The following CHLSN variants were observed in gnomAD, a reference collection of about 807,000 sequenced individuals.
CHLSN encodes cholesin, also known as protein cholesin.
the CHLSN span, among the ~76,000 whole-genome samples, chr7:1,003,249 G>C: frequency 5.0e-4 from 15 of 29,856 alleles, 1 homozygote; most frequent in African/African-American, 4.2e-3. Context: ...GGGGAGTCCT[G>C]TGGGTGAGTG....
chr7:1,080,515 C>T, the CHLSN span, among the ~76,000 whole-genome samples: 1 of 152,168 alleles, frequency 6.6e-6, no homozygotes, highest in South Asian at 2.1e-4. Flanking sequence ...CGCACGGCCG[C>T]CAGGTTGGGT....
At chr7:1,079,807 G>A in the CHLSN span, among the ~76,000 whole-genome samples, 1 of 152,238 alleles carries the variant, frequency 6.6e-6, no homozygotes, top group Non-Finnish European at 1.5e-5. Flanking sequence ...CAGCTCTGGG[G>A]AAGCAGCCCT....
chr7:984,911 T>C, the CHLSN span: 39 of 1,534,042 alleles, frequency 2.5e-5, no homozygotes, highest in Non-Finnish European at 3.0e-5. Context: ...CTGGCTGGGG[T>C]GGGAACCTGG....
At chr7:1,049,140 C>T in the CHLSN span, among the ~76,000 whole-genome samples, 4 of 152,226 alleles carry the variant, frequency 2.6e-5, no homozygotes, top group South Asian at 2.1e-4. Flanking sequence ...TCCTCCTCCA[C>T]GTTGGCCAGC....
At chr7:985,333 T>C in the CHLSN span, 1 of 1,548,390 alleles carries the variant, frequency 6.5e-7, no homozygotes, top group South Asian at 1.2e-5. Flanking sequence ...GGTGAGGAGC[T>C]GCCTCCCATC....
chr7:1,027,242 TA>T, the CHLSN span, among the ~76,000 whole-genome samples: 1 of 152,208 alleles, frequency 6.6e-6, no homozygotes, highest in Admixed American at 6.5e-5. Context: ...AACGAATTCA[TA>T]AAAATCACTG....
chr7:1,058,775 G>A, the CHLSN span: 1 of 504,474 alleles, frequency 2.0e-6, no homozygotes, highest in African/African-American at 1.9e-5. Flanking sequence ...ATCCGCAAAA[G>A]CCTCCTCGCC....
chr7:999,270 G>A, the CHLSN span, among the ~76,000 whole-genome samples: 2 of 152,370 alleles, frequency 1.3e-5, no homozygotes, highest in South Asian at 4.1e-4. Context: ...GCTCTGTTAA[G>A]AAGAGGTTTC....
chr7:1,135,054 C>G, the CHLSN span, among the ~76,000 whole-genome samples: 1 of 152,300 alleles, frequency 6.6e-6, no homozygotes, highest in African/African-American at 2.4e-5. Flanking sequence ...CAGCGTTGGA[C>G]TGTTGATCCT....
chr7:1,013,678 G>C, the CHLSN span, among the ~76,000 whole-genome samples: 1 of 152,206 alleles, frequency 6.6e-6, no homozygotes, highest in East Asian at 1.9e-4. Flanking sequence ...GATGGGACGG[G>C]CCTCATGGAA....
chr7:987,769 C>T, the CHLSN span, among the ~76,000 whole-genome samples: 2 of 151,460 alleles, frequency 1.3e-5, no homozygotes, highest in Non-Finnish European at 1.5e-5. Context: ...GGGTCCCCTC[C>T]GTGTGTCCTG....
the CHLSN span, among the ~76,000 whole-genome samples, chr7:982,200 A>G: frequency 1.3e-5 from 2 of 152,218 alleles, no homozygotes; most frequent in East Asian, 1.9e-4. Flanking sequence ...GGATAGAGGT[A>G]GTGAGCTCCC....
At chr7:997,847 A>C in the CHLSN span, 4 of 1,226,966 alleles carry the variant, frequency 3.3e-6, no homozygotes, top group Non-Finnish European at 4.7e-6. Context: ...CGGGGCAGGG[A>C]GGGGCCGCTG....
chr7:1,057,796 T>G, the CHLSN span: 1 of 765,128 alleles, frequency 1.3e-6, no homozygotes, highest in Non-Finnish European at 2.4e-6. Flanking sequence ...CGGTGGGCGC[T>G]GTGGAGTGTG....
At chr7:1,102,602 C>T in the CHLSN span, among the ~76,000 whole-genome samples, 5 of 151,540 alleles carry the variant, frequency 3.3e-5, no homozygotes, top group Admixed American at 2.0e-4. Flanking sequence ...AGAGCAGGAG[C>T]GGACGTTTAT....
the CHLSN span, among the ~76,000 whole-genome samples, chr7:1,100,265 C>G: frequency 1.3e-5 from 2 of 152,250 alleles, no homozygotes; most frequent in African/African-American, 4.8e-5. Flanking sequence ...TCTTCTCAGG[C>G]CTCCTGAAGC....
the CHLSN span, among the ~76,000 whole-genome samples, chr7:1,071,651 C>T: frequency 6.6e-6 from 1 of 152,186 alleles, no homozygotes; most frequent in Non-Finnish European, 1.5e-5. Flanking sequence ...TCAGGAGACG[C>T]AAAGGCACCG....
chr7:1,005,930 A>G, the CHLSN span, among the ~76,000 whole-genome samples: 2 of 152,258 alleles, frequency 1.3e-5, no homozygotes, highest in Non-Finnish European at 2.9e-5. Context: ...GCCTGCAGGG[A>G]CCAGGGAGGC....
At chr7:1,094,946 G>A in the CHLSN span, among the ~76,000 whole-genome samples, 177 of 152,280 alleles carry the variant, frequency 1.2e-3, 1 homozygote, top group African/African-American at 3.5e-3. Context: ...ATGGCTCACC[G>A]GGAAGCCTGG....
Sources: allele counts gnomAD v4.1 joint callset (sites outside exome capture counted in the v4.1 genomes callset), GRCh38; gene constraint gnomAD v4.1.1; transcripts MANE v1.5; gene names NCBI Gene and HGNC (gene_info 2026-07-23, HGNC 2026-07-21).